The following NTMT2 variants were observed in gnomAD, a reference collection of about 807,000 sequenced individuals.
NTMT2 encodes X-Pro-Lys N-terminal protein methyltransferase 1B.
A neutral mutation model predicts 23.4 loss-of-function variants in NTMT2; 21 were observed. The observed-to-expected ratio is 0.90, with a 90% CI of 0.64 to 1.29. The LOEUF (loss-of-function observed/expected upper bound fraction) is 1.29, where lower values mean the gene tolerates loss of function less well. Among genes scored for constraint, NTMT2 ranks in the 50% most tolerant of loss-of-function variants. The pLI, the probability that NTMT2 is intolerant of heterozygous loss-of-function variation, is 0.00. For missense variants in NTMT2, 336 were observed against 352.0 expected, an observed-to-expected ratio of 0.95 and a Z score of 0.36; for synonymous variants, 131 against 127.7, an observed-to-expected ratio of 1.03 and a Z score of -0.17.
At chr1:170,156,732 T>C (rs968797963) in intron 1 of NTMT2, among the ~76,000 whole-genome samples, 6 of 151,844 alleles carry the variant, frequency 4.0e-5, no homozygotes, top group Admixed American at 1.3e-4. Context: ...CATATATCTT[T>C]TTTTTTTTTA....
intron 2 of NTMT2, among the ~76,000 whole-genome samples, chr1:170,163,571 A>T (rs1265365410): frequency 6.6e-6 from 1 of 152,116 alleles, no homozygotes; most frequent in African/African-American, 2.4e-5. Context: ...ACCCCTCAGT[A>T]TTTTTTTGAC....
chr1:170,150,223 T>C (rs1284846831), intron 1 of NTMT2, among the ~76,000 whole-genome samples: 2 of 152,144 alleles, frequency 1.3e-5, no homozygotes, highest in East Asian at 3.8e-4. Context: ...CGATATGTGG[T>C]GACATTCAGT....
intron 1 of NTMT2, among the ~76,000 whole-genome samples, chr1:170,149,111 A>T (rs1673020549): frequency 6.6e-6 from 1 of 152,262 alleles, no homozygotes; most frequent in South Asian, 2.1e-4. Context: ...TTGTCAAAGT[A>T]TTGTGCATTA....
At position 170,168,240 on chromosome 1, in the gene NTMT2, C is replaced by CA. The variant is rs57166192; in HGVS notation, c.*497dup. On this transcript the variant is annotated 3_prime_UTR_variant, in exon 4 of 4. Coordinates refer to ENST00000439373, the MANE Select transcript of NTMT2 (RefSeq NM_001136107.2). ...CAGATAAAGCATTTGTCTACTCAAA[C>CA]AAAAAAAAAAAAAAGAAAAAGAAAC... Among the ~76,000 whole-genome samples, 22,546 of 116,676 alleles carry CA rather than the reference C, an allele frequency of 0.19. 1,975 individuals carry two copies. Among genetic ancestry groups the CA allele is most frequent in the Admixed American group, 0.27 (3,053 of 11,160 alleles). The allele number at this position is 116,676 out of a possible 152,430, so 76.5% of individuals were successfully genotyped here.
intron 2 of NTMT2, among the ~76,000 whole-genome samples, chr1:170,162,950 C>T (rs907065320): frequency 6.6e-6 from 1 of 152,066 alleles, no homozygotes; most frequent in African/African-American, 2.4e-5. Flanking sequence ...AGCAATCCCT[C>T]CTGCTTGCCT....
intron 1 of NTMT2, among the ~76,000 whole-genome samples, chr1:170,147,474 T>C (rs1571814657): frequency 1.3e-5 from 2 of 152,332 alleles, no homozygotes; most frequent in East Asian, 1.9e-4. Flanking sequence ...CAGGGCTTTT[T>C]TTTGGTAGAT....
intron 3 of NTMT2, 58 bp from the exon 4 acceptor site, chr1:170,167,428 C>T (rs985079298): frequency 7.0e-7 from 1 of 1,437,048 alleles, no homozygotes; most frequent in African/African-American, 1.4e-5. Flanking sequence ...TCCCTACTCA[C>T]CTTCCATCCT....
chr1:170,165,842 T>G (rs1673368234), intron 2 of NTMT2, among the ~76,000 whole-genome samples: 1 of 150,140 alleles, frequency 6.7e-6, no homozygotes, highest in Non-Finnish European at 1.5e-5. Context: ...ATGGCTCATT[T>G]TTTTTTTTTT....
intron 1 of NTMT2, among the ~76,000 whole-genome samples, chr1:170,158,886 G>A (rs1010643125): frequency 8.6e-5 from 13 of 151,874 alleles, no homozygotes; most frequent in African/African-American, 2.7e-4. Context: ...ATTTATGGAT[G>A]TGCCTGTTCT....
intron 3 of NTMT2, among the ~76,000 whole-genome samples, chr1:170,167,103 T>A (rs1367440683): frequency 6.6e-6 from 1 of 152,148 alleles, no homozygotes; most frequent in African/African-American, 2.4e-5. Flanking sequence ...GAACTAGACA[T>A]TCTTAGATTT....
intron 1 of NTMT2, among the ~76,000 whole-genome samples, chr1:170,147,539 A>G (rs959448060): frequency 6.6e-6 from 1 of 152,154 alleles, no homozygotes; most frequent in Non-Finnish European, 1.5e-5. Context: ...ATCTATATCC[A>G]AAAGGAAAAA....
chr1:170,166,157 TG>T (rs1673379516), intron 2 of NTMT2, among the ~76,000 whole-genome samples: 1 of 143,892 alleles, frequency 6.9e-6, no homozygotes, highest in South Asian at 2.3e-4. Flanking sequence ...TTTTTTTTTT[TG>T]AGACGGAGTC....
chr1:170,161,874 C>G (rs1385116818), intron 2 of NTMT2, among the ~76,000 whole-genome samples: 1 of 152,076 alleles, frequency 6.6e-6, no homozygotes, highest in South Asian at 2.1e-4. Context: ...GGGTGAATCA[C>G]GAGGTCAGAG....
chr1:170,160,806 G>A, intron 2 of NTMT2, 113 bp downstream of exon 2: 1 of 885,614 alleles, frequency 1.1e-6, no homozygotes, highest in African/African-American at 1.7e-5. Flanking sequence ...CCAGCCAAGA[G>A]TTCTGCCGCC....
rs538083820 is a variant in NTMT2 at position 170,156,607 on chromosome 1, T to G, written c.155-3911T>G. Among the ~76,000 whole-genome samples, 5 of 152,254 alleles carry G rather than the reference T, an allele frequency of 3.3e-5. No individual in the cohort carries two copies. The East Asian group carries it at 9.6e-4, about 29-fold the overall frequency. ...ATTGCAATTCTTTAATTTGCCAGTA[T>G]ATATATTTCTATAGTAAAAAGCCAT... On this transcript the variant is annotated intron_variant, in intron 1 of 3. Coordinates refer to ENST00000439373, the MANE Select transcript of NTMT2 (RefSeq NM_001136107.2).
At chr1:170,147,604 G>T (rs1672991169) in intron 1 of NTMT2, among the ~76,000 whole-genome samples, 1 of 152,100 alleles carries the variant, frequency 6.6e-6, no homozygotes, top group Non-Finnish European at 1.5e-5. Flanking sequence ...TCATATACTG[G>T]CAAAGCATTG....
intron 2 of NTMT2, among the ~76,000 whole-genome samples, chr1:170,166,135 T>TTTTTTC (rs1557909936): frequency 9.5e-5 from 8 of 83,812 alleles, no homozygotes; most frequent in Non-Finnish European, 1.3e-4. Flanking sequence ...CTTTTTTTTT[T>TTTTTTC]TTTTCTTTTT....
intron 2 of NTMT2, among the ~76,000 whole-genome samples, chr1:170,164,662 T>C (rs1673337487): frequency 1.3e-5 from 2 of 152,222 alleles, no homozygotes; most frequent in African/African-American, 4.8e-5. Flanking sequence ...TGAGTCTAAA[T>C]GAAGCCTTAT....
intron 1 of NTMT2, among the ~76,000 whole-genome samples, chr1:170,156,112 T>C (rs1427670717): frequency 6.6e-6 from 1 of 152,152 alleles, no homozygotes; most frequent in East Asian, 1.9e-4. Flanking sequence ...TCTTTCCTGC[T>C]CATTTTTTTG....
Sources: gnomAD v4.1 joint callset for allele counts (sites outside exome capture counted in the v4.1 genomes callset) on GRCh38, gnomAD v4.1.1 for gene constraint, MANE v1.5 for transcripts, NCBI Gene and HGNC (gene_info 2026-07-23, HGNC 2026-07-21) for gene names.